Variants in RS1 observed in about 807,000 individuals in gnomAD.
RS1 encodes the protein retinoschisin.
In RS1, 2 loss-of-function variants were observed where a neutral mutation model predicts 20.8. The observed-to-expected ratio is 0.10, with a 90% CI of 0.04 to 0.30. The LOEUF is 0.30. Among genes scored for constraint, RS1 ranks in the 10% least tolerant of loss-of-function variants. The pLI, the probability that RS1 is intolerant of heterozygous loss-of-function variation, is 1.00. For missense variants in RS1, 151 were observed against 189.8 expected, an observed-to-expected ratio of 0.80 and a Z score of 1.20; for synonymous variants, 70 against 75.8, an observed-to-expected ratio of 0.92 and a Z score of 0.40.
intron 1 of RS1, among the ~76,000 whole-genome samples, chrX:18,669,389 C>T (rs1185643821): frequency 9.5e-6 from 1 of 104,985 alleles, no homozygotes; most frequent in Non-Finnish European, 1.9e-5. Context: ...CACTCGGGAG[C>T]CTGAGGCAGG....
At chrX:18,666,417 C>T (rs2056495894) in intron 1 of RS1, among the ~76,000 whole-genome samples, 2 of 111,214 alleles carry the variant, frequency 1.8e-5, no homozygotes, top group Admixed American at 1.9e-4. Flanking sequence ...GTGTGCTTGG[C>T]GTGTTCCAGG....
chrX:18,651,836 C>G (rs1479723746), intron 3 of RS1, among the ~76,000 whole-genome samples: 1 of 111,364 alleles, frequency 9.0e-6, no homozygotes, highest in Non-Finnish European at 1.9e-5. Flanking sequence ...TGTGATTTTT[C>G]CTGACTTCTT....
In RS1 at chrX:18,657,570, G is replaced by A. The variant is rs1928239274; in HGVS notation, c.78+70C>T. On this transcript the variant is annotated intron_variant, in intron 2 of 5. Coordinates refer to ENST00000379984, the MANE Select transcript of RS1 (RefSeq NM_000330.4). ...TAAAAACAAAGTGATAGTCCTCTATGTTATTTTTGGCTAGGAAAATTTTCA... is the reference window on the plus strand; with the variant it reads ...TAAAAACAAAGTGATAGTCCTCTATATTATTTTTGGCTAGGAAAATTTTCA... 4 of 831,695 alleles carry A rather than the reference G, an allele frequency of 4.8e-6. No homozygotes were observed. The Admixed American group carries it at 8.9e-5, about 19-fold the overall frequency. The allele number at this position is 831,695 out of a possible 1,213,427, so 68.5% of individuals were successfully genotyped here.
chrX:18,644,648 C>T, intron 4 of RS1, 23 bp from the exon 5 acceptor site: 1 of 1,198,150 alleles, frequency 8.3e-7, no homozygotes, highest in Non-Finnish European at 1.1e-6. Context: ...TACCGAGTCA[C>T]CGAGAGACTC....
chrX:18,666,731 C>T (rs1928410658), intron 1 of RS1, among the ~76,000 whole-genome samples: 1 of 110,665 alleles, frequency 9.0e-6, no homozygotes, highest in African/African-American at 3.3e-5. Context: ...TGTTAAGTGG[C>T]TGGATTCTGA....
At chrX:18,658,423 T>C (rs1490838081) in intron 1 of RS1, among the ~76,000 whole-genome samples, 1 of 111,187 alleles carries the variant, frequency 9.0e-6, no homozygotes, top group South Asian at 3.8e-4. Flanking sequence ...CATTTAACCC[T>C]AGCAGTGTGA....
chrX:18,648,150 C>T (rs1311077384), intron 3 of RS1, among the ~76,000 whole-genome samples: 1 of 111,255 alleles, frequency 9.0e-6, no homozygotes, highest in African/African-American at 3.3e-5. Context: ...TTCAGTGAGC[C>T]GAGGTGGTGC....
At chrX:18,671,673 A>T (rs891857199) in intron 1 of RS1, among the ~76,000 whole-genome samples, 2 of 112,089 alleles carry the variant, frequency 1.8e-5, no homozygotes, top group African/African-American at 6.5e-5. Flanking sequence ...GGTTTGGAAT[A>T]TTAAATTCTA....
chrX:18,660,804 C>T (rs1014414101), intron 1 of RS1, among the ~76,000 whole-genome samples: 1 of 112,107 alleles, frequency 8.9e-6, no homozygotes, highest in Non-Finnish European at 1.9e-5. Context: ...GAAATGGAAG[C>T]CTCACTCTCT....
At chrX:18,648,447 C>A (rs753698219) in intron 3 of RS1, among the ~76,000 whole-genome samples, 20 of 109,925 alleles carry the variant, frequency 1.8e-4, no homozygotes, top group Non-Finnish European at 3.4e-4. Context: ...TTGCCATGTT[C>A]CCCAGGCTGG....
intron 1 of RS1, among the ~76,000 whole-genome samples, chrX:18,667,653 C>T (rs62589000): frequency 0.21 from 23,576 of 110,179 alleles, 2,124 homozygotes; most frequent in East Asian, 0.58. Context: ...CCACTTGGCT[C>T]AAAGGCCATG....
In RS1 at chrX:18,644,529, G is replaced by A; in HGVS notation, c.423C>T (p.Arg141=). 8.3e-7 allele frequency: 1 copy of A among 1,211,350 alleles called. No individual in the cohort carries two copies. Residue 141 remains arginine, a synonymous_variant, in exon 5 of 6, where the codon CGC becomes CGT. Transcript: ENST00000379984. ...KVISGILTQG[R]CDIDEWMTKY... ...TGGTCATCCACTCATCGATGTCACA[G>A]CGCCCCTGGGTGAGGATCCCTGAAA...
In RS1 at chrX:18,647,301, C is replaced by T. The variant is rs104894932; in HGVS notation, c.216G>A (p.Glu72=). The change falls in exon 4 of 6, where the codon GAG becomes GAA. Residue 72 remains glutamate (E), a synonymous_variant. Coordinates refer to ENST00000379984, the MANE Select transcript of RS1 (RefSeq NM_000330.4). ...TCTGGTCCGGTGTGACCTCCCCTGACTCGAAACCCAGAGGCTTGTGATATG... is the reference window on the plus strand; with the variant it reads ...TCTGGTCCGGTGTGACCTCCCCTGATTCGAAACCCAGAGGCTTGTGATATG... ...ECPYHKPLGF[E]SGEVTPDQIT... is the part of the protein sequence containing the mutation. 4 of 1,209,173 alleles carry T rather than the reference C, an allele frequency of 3.3e-6. No homozygotes were observed. The highest frequency in any genetic ancestry group is 4.5e-6 in the Non-Finnish European group (4 of 895,055).
chrX:18,671,102 T>C (rs1928485314), intron 1 of RS1, among the ~76,000 whole-genome samples: 1 of 112,143 alleles, frequency 8.9e-6, no homozygotes, highest in Non-Finnish European at 1.9e-5. Context: ...GAGGCTACAG[T>C]GAGCCGTGAA....
At chrX:18,647,456 T>C in intron 3 of RS1, 124 bp from the exon 4 acceptor site, 1 of 714,306 alleles carries the variant, frequency 1.4e-6, no homozygotes. Context: ...TTTACCTGTC[T>C]CTGTGGTTCA....
chrX:18,647,408 C>T, intron 3 of RS1, 76 bp from the exon 4 acceptor site: 1 of 1,091,460 alleles, frequency 9.2e-7, no homozygotes, highest in Admixed American at 2.2e-5. Flanking sequence ...AATAACAAAA[C>T]AAACCCATCT....
At chrX:18,642,545 G>A (rs146827400) in intron 5 of RS1, among the ~76,000 whole-genome samples, 1,520 of 111,890 alleles carry the variant, frequency 0.014, 9 homozygotes, top group South Asian at 0.026. Context: ...TTGACTCATC[G>A]CTTTTGAGTT....
chrX:18,645,417 A>T (rs1449851716), intron 4 of RS1, among the ~76,000 whole-genome samples: 1 of 110,303 alleles, frequency 9.1e-6, no homozygotes, highest in Middle Eastern at 4.2e-3. Flanking sequence ...AACACGTCCC[A>T]ATGTGAGCCC....
intron 1 of RS1, among the ~76,000 whole-genome samples, chrX:18,664,199 T>C (rs1928365786): frequency 8.9e-6 from 1 of 112,431 alleles, no homozygotes; most frequent in Non-Finnish European, 1.9e-5. Flanking sequence ...CATCGGGGTA[T>C]GTTTACACAA....
Sources: allele counts gnomAD v4.1 joint callset (sites outside exome capture counted in the v4.1 genomes callset), GRCh38; gene constraint gnomAD v4.1.1; transcripts MANE v1.5; gene names NCBI Gene and HGNC (gene_info 2026-07-23, HGNC 2026-07-21).